Variants in DTNB observed in about 807,000 individuals in gnomAD.
DTNB encodes the protein dystrobrevin beta.
In DTNB, 63 loss-of-function variants were observed where a neutral mutation model predicts 90.7. The observed-to-expected ratio is 0.69, with a 90% confidence interval of 0.57 to 0.86. The LOEUF (loss-of-function observed/expected upper bound fraction) is 0.86, where lower values mean the gene tolerates loss of function less well. DTNB is among the 40% of genes least tolerant of loss of function. DTNB has a pLI of 0.00. For missense variants in DTNB, 744 were observed against 807.1 expected, an observed-to-expected ratio of 0.92 and a Z score of 0.95; for synonymous variants, 277 against 286.7, an observed-to-expected ratio of 0.97 and a Z score of 0.34.
intron 6 of DTNB, among the ~76,000 whole-genome samples, chr2:25,586,071 A>G (rs1366042066): frequency 6.6e-6 from 1 of 152,190 alleles, no homozygotes; most frequent in East Asian, 1.9e-4. Flanking sequence ...TATTTCTCTC[A>G]TTGCAAAGAT....
chr2:25,652,598 T>C lies in DTNB; in HGVS notation c.63A>G (p.Glu21=), dbSNP rs2081171114. Residue 21 remains glutamate, a synonymous_variant, in exon 2 of 21, where the codon GAA becomes GAG. Transcript: ENST00000406818. ...TMAEKRQLFI[E]MRAQNFDVIR... Reference sequence around the variant, plus strand: ...GAACAAGGACTCAAGACTCACGCATTTCTATGAACAGCTGCCTCTTCTCTG... The same window carrying C: ...GAACAAGGACTCAAGACTCACGCATCTCTATGAACAGCTGCCTCTTCTCTG... 1 of 1,611,488 alleles carries C rather than the reference T, an allele frequency of 6.2e-7. No homozygotes were observed.
At chr2:25,534,825 C>T (rs370453854) in intron 8 of DTNB, among the ~76,000 whole-genome samples, 8 of 122,220 alleles carry the variant, frequency 6.5e-5, no homozygotes, top group Admixed American at 2.7e-4. Flanking sequence ...GAAGAGCGGC[C>T]GGGCAGAGGT....
intron 16 of DTNB, among the ~76,000 whole-genome samples, chr2:25,395,165 T>C (rs2042075182): frequency 6.6e-6 from 1 of 152,172 alleles, no homozygotes; most frequent in Non-Finnish European, 1.5e-5. Flanking sequence ...CACTCATATG[T>C]GGGAGCTTAG....
At chr2:25,579,350 A>G (rs1187917741) in intron 7 of DTNB, among the ~76,000 whole-genome samples, 1 of 152,238 alleles carries the variant, frequency 6.6e-6, no homozygotes. Flanking sequence ...GTTGGGTAAA[A>G]GGCTGAGAAA....
intron 6 of DTNB, among the ~76,000 whole-genome samples, chr2:25,584,362 G>A (rs1324347433): frequency 1.3e-5 from 2 of 152,098 alleles, no homozygotes; most frequent in Non-Finnish European, 2.9e-5. Context: ...CAGATTGAAT[G>A]GATAAGCAAA....
At chr2:25,507,266 T>C (rs1440454374) in intron 9 of DTNB, among the ~76,000 whole-genome samples, 1 of 152,196 alleles carries the variant, frequency 6.6e-6, no homozygotes, top group Non-Finnish European at 1.5e-5. Context: ...TTTTCATTTG[T>C]AACTTTCTCC....
chr2:25,668,997 T>C (rs748515436), intron 1 of DTNB, among the ~76,000 whole-genome samples: 9 of 152,246 alleles, frequency 5.9e-5, no homozygotes, highest in Non-Finnish European at 8.8e-5. Context: ...AAGGACATTA[T>C]ACTAAGTGAA....
Position 25,526,395 on chromosome 2 carries a change from A to ATATATATATATT in DTNB, c.1001+5077_1001+5078insAATATATATATA. Reference sequence around the variant, plus strand: ...TATATATATATATATATATATATATATTTTTTTTTTTTTAATTGAGACAGA... The same window carrying ATATATATATATT: ...TATATATATATATATATATATATATATATATATATATTTTTTTTTTTTTTTAATTGAGACAGA... On this transcript the variant is annotated intron_variant, in intron 9 of 20. Coordinates refer to ENST00000406818, the MANE Select transcript of DTNB (RefSeq NM_021907.5). Among the ~76,000 whole-genome samples, 159 of 49,818 alleles carry ATATATATATATT rather than the reference A, an allele frequency of 3.2e-3. 1 individual carries two copies. The highest frequency in any genetic ancestry group is 3.3e-3 in the Non-Finnish European group (98 of 29,830). 32.7% of individuals were successfully genotyped at this position (49,818 alleles called of 152,430 possible). A position where few individuals can be genotyped will look rare whatever the true frequency, so the allele number is the denominator to read the frequency against.
intron 1 of DTNB, chr2:25,672,988 C>G (rs1324175110): frequency 6.6e-6 from 1 of 152,314 alleles, no homozygotes; most frequent in Non-Finnish European, 1.5e-5. Context: ...GCCCGCCTCA[C>G]CTGCCCTCTG....
intron 8 of DTNB, among the ~76,000 whole-genome samples, chr2:25,562,866 A>G (rs1368692294): frequency 6.6e-6 from 1 of 152,012 alleles, no homozygotes; most frequent in Admixed American, 6.6e-5. Flanking sequence ...TCCACCTCCC[A>G]GGCTCAAGTG....
chr2:25,656,566 T>C lies in DTNB; in HGVS notation c.-1-3905A>G, dbSNP rs148733320. On this transcript the variant is annotated intron_variant, in intron 1 of 20. Transcript: ENST00000406818. ...CTAACTCTAATTTCAAACCCTGCCA[T>C]TTCCTTCCTCATAATCACGCTCATA... 3.5e-3 allele frequency among the ~76,000 whole-genome samples: 532 copies of C among 152,310 alleles called. 1 individual carries two copies. Among genetic ancestry groups the C allele is most frequent in the African/African-American group, 0.011 (476 of 41,570 alleles).
intron 8 of DTNB, among the ~76,000 whole-genome samples, chr2:25,541,537 G>C (rs1261240264): frequency 6.6e-6 from 1 of 152,016 alleles, no homozygotes; most frequent in Non-Finnish European, 1.5e-5. Flanking sequence ...CAGTTCAGTA[G>C]GGTGAAGTAT....
intron 12 of DTNB, among the ~76,000 whole-genome samples, chr2:25,450,341 G>A (rs1312546896): frequency 6.6e-6 from 1 of 152,108 alleles, no homozygotes; most frequent in African/African-American, 2.4e-5. Context: ...TACCTTTGTT[G>A]AAAGTCATTT....
At chr2:25,440,872 A>G (rs2057216969) in intron 12 of DTNB, among the ~76,000 whole-genome samples, 1 of 152,194 alleles carries the variant, frequency 6.6e-6, no homozygotes, top group South Asian at 2.1e-4. Flanking sequence ...ATCTGCAGAA[A>G]TATTTTAAGC....
At chr2:25,577,074 T>G (rs2060798804) in intron 7 of DTNB, 70 bp from the exon 8 acceptor site, 1 of 1,430,478 alleles carries the variant, frequency 7.0e-7, no homozygotes, top group Non-Finnish European at 9.3e-7. Flanking sequence ...GAAGAAAGAA[T>G]AAAATTTCAC....
intron 16 of DTNB, among the ~76,000 whole-genome samples, chr2:25,410,157 G>A (rs2046236704): frequency 1.3e-5 from 2 of 152,136 alleles, no homozygotes; most frequent in Non-Finnish European, 2.9e-5. Flanking sequence ...TATTCTTCCA[G>A]TGGAAGAATT....
At chr2:25,498,541 T>C (rs2069558970) in intron 9 of DTNB, among the ~76,000 whole-genome samples, 1 of 152,104 alleles carries the variant, frequency 6.6e-6, no homozygotes, top group Non-Finnish European at 1.5e-5. Context: ...TGAACAATAA[T>C]GGGTAAAATT....
At chr2:25,627,102 G>C (rs980498758) in intron 4 of DTNB, among the ~76,000 whole-genome samples, 1 of 152,104 alleles carries the variant, frequency 6.6e-6, no homozygotes, top group Non-Finnish European at 1.5e-5. Context: ...TTTAAAATAG[G>C]TTCCTAGACA....
chr2:25,526,395 A>ATATATATATATATTTTTTTT, intron 9 of DTNB, among the ~76,000 whole-genome samples: 1 of 49,858 alleles, frequency 2.0e-5, no homozygotes, highest in African/African-American at 9.8e-5. Flanking sequence ...ATATATATAT[A>ATATATATATATATTTTTTTT]TTTTTTTTTT....
Sources: gnomAD v4.1 joint callset for allele counts (sites outside exome capture counted in the v4.1 genomes callset) on GRCh38, gnomAD v4.1.1 for gene constraint, MANE v1.5 for transcripts, NCBI Gene and HGNC (gene_info 2026-07-23, HGNC 2026-07-21) for gene names.